Variants in SPAG16 observed in about 807,000 individuals in gnomAD.
The protein encoded by SPAG16 is sperm-associated antigen 16 protein.
SPAG16 carries 86 observed loss-of-function variants against 80.4 expected under a neutral mutation model. That is an observed-to-expected ratio of 1.07 (90% CI 0.90 to 1.28). SPAG16 has a LOEUF of 1.28. Ranked by LOEUF, SPAG16 falls within the 50% of genes most tolerant of loss-of-function variation. The pLI, the probability that SPAG16 is intolerant of heterozygous loss-of-function variation, is 0.00. For synonymous variants in SPAG16, 294 were observed against 265.9 expected (o/e 1.11, Z -1.03); for missense variants, 870 against 765.3 (o/e 1.14, Z -1.61).
intron 15 of SPAG16, among the ~76,000 whole-genome samples, chr2:214,218,540 G>T (rs927131405): frequency 6.6e-6 from 1 of 152,092 alleles, no homozygotes; most frequent in Non-Finnish European, 1.5e-5. Flanking sequence ...TCAGAATTCT[G>T]GTCTGTACTC....
chr2:213,712,600 A>G (rs543939172), intron 10 of SPAG16, among the ~76,000 whole-genome samples: 3 of 152,112 alleles, frequency 2.0e-5, no homozygotes, highest in South Asian at 2.1e-4. Context: ...TGAAAGATAT[A>G]ATTTCATTGA....
chr2:213,789,753 T>C (rs1246059288), intron 10 of SPAG16, among the ~76,000 whole-genome samples: 2 of 151,952 alleles, frequency 1.3e-5, no homozygotes, highest in East Asian at 3.8e-4. Flanking sequence ...CCAAATAGAT[T>C]GATTTTTCAA....
chr2:214,241,357 C>G (rs1259252947), intron 15 of SPAG16: 1 of 105,984 alleles, frequency 9.4e-6, no homozygotes. Flanking sequence ...GACTCCGTTG[C>G]CAAAAAAAAA....
intron 11 of SPAG16, among the ~76,000 whole-genome samples, chr2:213,886,209 G>A (rs2076548199): frequency 6.6e-6 from 1 of 151,948 alleles, no homozygotes; most frequent in African/African-American, 2.4e-5. Flanking sequence ...ATTTCTCTGT[G>A]GCCAATTTTT....
At chr2:214,293,127 C>A (rs375660052) in intron 15 of SPAG16, among the ~76,000 whole-genome samples, 2 of 152,182 alleles carry the variant, frequency 1.3e-5, no homozygotes, top group East Asian at 3.8e-4. Flanking sequence ...CAGGCCAATT[C>A]TTGGGCCCCC....
intron 13 of SPAG16, among the ~76,000 whole-genome samples, chr2:214,018,477 A>G (rs2047699336): frequency 6.6e-6 from 1 of 152,154 alleles, no homozygotes. Flanking sequence ...CAGATTAGCT[A>G]AAGTTTTTTT....
intron 14 of SPAG16, among the ~76,000 whole-genome samples, chr2:214,117,361 C>A (rs919246702): frequency 6.6e-6 from 1 of 152,118 alleles, no homozygotes; most frequent in East Asian, 1.9e-4. Flanking sequence ...GATCCTACAA[C>A]AGTTGCCTGT....
chr2:213,361,789 C>CCA (rs10585217), intron 7 of SPAG16, among the ~76,000 whole-genome samples: 26,844 of 139,834 alleles, frequency 0.19, 2,778 homozygotes, highest in Non-Finnish European at 0.24. Context: ...ACTGATAATG[C>CCA]CACACACACA....
Position 214,010,171 on chromosome 2 carries a change from G to C in SPAG16, c.1401-3780G>C, listed in dbSNP as rs1377908919. The stretch of plus-strand genomic sequence containing the variant: ...TAAAAAGCAGACTGAAAAAGATCAG[G>C]AAACAAGTGAACTAGAAAACAGAAA... On this transcript the variant is annotated intron_variant, in intron 12 of 15. Transcript: ENST00000331683. Among the ~76,000 whole-genome samples, 7 of 145,592 alleles carry C rather than the reference G, an allele frequency of 4.8e-5. 2 individuals carry two copies. The highest frequency in any genetic ancestry group is 1.4e-4 in the African/African-American group (5 of 36,904).
chr2:214,374,051 C>T (rs755977366), intron 15 of SPAG16, among the ~76,000 whole-genome samples: 3 of 152,108 alleles, frequency 2.0e-5, no homozygotes, highest in Non-Finnish European at 4.4e-5. Flanking sequence ...TATAACAGAA[C>T]GTAGAAAGTC....
intron 10 of SPAG16, among the ~76,000 whole-genome samples, chr2:213,852,080 AC>A (rs1254173967): frequency 3.3e-5 from 5 of 152,194 alleles, no homozygotes; most frequent in African/African-American, 1.2e-4. Flanking sequence ...TTGTTTTGTG[AC>A]TTTTATTGCA....
chr2:213,692,788 T>C (rs2064999006), intron 10 of SPAG16, among the ~76,000 whole-genome samples: 2 of 138,286 alleles, frequency 1.4e-5, no homozygotes, highest in African/African-American at 2.7e-5. Flanking sequence ...CCACCCTGGG[T>C]GAAAGTGCGA....
intron 15 of SPAG16, among the ~76,000 whole-genome samples, chr2:214,270,712 G>T (rs144405969): frequency 6.6e-6 from 1 of 151,960 alleles, no homozygotes; most frequent in Non-Finnish European, 1.5e-5. Flanking sequence ...GATTAGTCCC[G>T]TGGTTGTCTC....
At chr2:213,949,179 T>TTTTTTTTTTTTTTTTTTTTTGGTTTTG (rs1553677674) in intron 12 of SPAG16, among the ~76,000 whole-genome samples, 2 of 36,244 alleles carry the variant, frequency 5.5e-5, no homozygotes, top group Admixed American at 9.5e-4. Context: ...GTTTTTTTTT[T>TTTTTTTTTTTTTTTTTTTTTGGTTTTG]TTTTTTTTTT....
intron 14 of SPAG16, among the ~76,000 whole-genome samples, chr2:214,143,610 T>C (rs532297224): frequency 6.6e-6 from 1 of 152,310 alleles, no homozygotes; most frequent in East Asian, 1.9e-4. Context: ...TAAATTTCTA[T>C]ATTTGTGAAA....
intron 8 of SPAG16, among the ~76,000 whole-genome samples, chr2:213,371,058 C>T (rs2066600971): frequency 6.6e-6 from 1 of 152,048 alleles, no homozygotes; most frequent in South Asian, 2.1e-4. Context: ...GTCTGTGGTC[C>T]CTTAGACTCT....
At position 213,523,384 on chromosome 2, in the gene SPAG16, C is replaced by G. The variant is rs534479504; in HGVS notation, c.1070+33294C>G. 5.9e-5 allele frequency among the ~76,000 whole-genome samples: 9 copies of G among 152,272 alleles called. No homozygotes were observed. The South Asian group carries it at 1.9e-3, about 32-fold the overall frequency. On this transcript the variant is annotated intron_variant, in intron 10 of 15. Transcript: ENST00000331683. ...CATTCTTTTATAAATTACCCGGACT[C>G]AGGTATGTCTTCATTAGAAGCATGA...
chr2:214,409,204 T>A (rs1271086507), intron 15 of SPAG16, among the ~76,000 whole-genome samples: 1 of 151,904 alleles, frequency 6.6e-6, no homozygotes, highest in African/African-American at 2.4e-5. Context: ...CTAAATATAG[T>A]ATCTATCACA....
At chr2:213,963,464 C>T (rs373985093) in intron 12 of SPAG16, among the ~76,000 whole-genome samples, 13 of 152,156 alleles carry the variant, frequency 8.5e-5, no homozygotes, top group Admixed American at 6.5e-4. Context: ...GCCCACTATA[C>T]GATTTATCTT....
Sources: allele counts gnomAD v4.1 joint callset (sites outside exome capture counted in the v4.1 genomes callset), GRCh38; gene constraint gnomAD v4.1.1; transcripts MANE v1.5; gene names NCBI Gene and HGNC (gene_info 2026-07-23, HGNC 2026-07-21).